CAMK2D: variants seen among roughly 807,000 people sequenced by gnomAD.
The protein encoded by CAMK2D is calcium/calmodulin dependent protein kinase II delta.
Under a neutral mutation model 84.0 loss-of-function variants are expected in CAMK2D, and 37 were observed. That is an observed-to-expected ratio of 0.44 (90% CI 0.34 to 0.58). CAMK2D has a LOEUF of 0.58. Among genes scored for constraint, CAMK2D ranks in the 20% least tolerant of loss-of-function variants. The probability of loss-of-function intolerance (pLI) is 0.02; values close to 1 mark genes in which losing one functional copy is unlikely to be tolerated. For missense variants in CAMK2D, 448 were observed against 652.5 expected, an observed-to-expected ratio of 0.69 and a Z score of 3.41; for synonymous variants, 202 against 212.5, an observed-to-expected ratio of 0.95 and a Z score of 0.43.
In CAMK2D at chr4:113,539,016, A is replaced by G. The variant is rs1015463499; in HGVS notation, c.415-1573T>C. ...GGGATAAAGATATCTCAAGAATATA[A>G]AAGACTTTTATGCTGAAATGACTTT... On this transcript the variant is annotated intron_variant, in intron 6 of 20. Transcript: ENST00000511664. Among the ~76,000 whole-genome samples, 3 of 152,234 alleles carry G rather than the reference A, an allele frequency of 2.0e-5. 1 individual carries two copies. The East Asian group carries it at 5.8e-4, about 29-fold the overall frequency.
intron 4 of CAMK2D, among the ~76,000 whole-genome samples, chr4:113,575,045 A>G (rs974492345): frequency 2.6e-5 from 4 of 152,202 alleles, no homozygotes; most frequent in Admixed American, 2.0e-4. Context: ...GGCTTTCTAC[A>G]GTAATATTTA....
intron 2 of CAMK2D, among the ~76,000 whole-genome samples, chr4:113,685,662 CATTTTA>C (rs968209182): frequency 1.1e-4 from 16 of 152,108 alleles, no homozygotes; most frequent in African/African-American, 3.9e-4. Flanking sequence ...CAAGTAGAGA[CATTTTA>C]ATTTTATGTC....
At chr4:113,727,499 C>T (rs1189410013) in intron 2 of CAMK2D, among the ~76,000 whole-genome samples, 1 of 152,030 alleles carries the variant, frequency 6.6e-6, no homozygotes, top group Non-Finnish European at 1.5e-5. Flanking sequence ...TGCTCTTTAC[C>T]TCATATTATA....
intron 8 of CAMK2D, among the ~76,000 whole-genome samples, chr4:113,521,643 A>G (rs2098360580): frequency 6.6e-6 from 1 of 152,216 alleles, no homozygotes; most frequent in African/African-American, 2.4e-5. Flanking sequence ...TAAGAGACCT[A>G]AGAGACCAAA....
At chr4:113,712,535 A>T (rs983910176) in intron 2 of CAMK2D, among the ~76,000 whole-genome samples, 2 of 152,130 alleles carry the variant, frequency 1.3e-5, no homozygotes, top group East Asian at 3.8e-4. Flanking sequence ...CTCAAATTAC[A>T]TAATTTGAAA....
At chr4:113,640,284 G>A (rs947265840) in intron 3 of CAMK2D, among the ~76,000 whole-genome samples, 1 of 152,110 alleles carries the variant, frequency 6.6e-6, no homozygotes, top group African/African-American at 2.4e-5. Context: ...AATAGATTTG[G>A]GAGTTACTAA....
chr4:113,733,689 TAC>T (rs1233984516), intron 2 of CAMK2D, among the ~76,000 whole-genome samples: 15 of 152,216 alleles, frequency 9.9e-5, no homozygotes, highest in Non-Finnish European at 1.3e-4. Flanking sequence ...CATGTTTTAA[TAC>T]AAAGACAAAA....
At chr4:113,492,775 C>A (rs1372316205) in intron 16 of CAMK2D, among the ~76,000 whole-genome samples, 1 of 145,838 alleles carries the variant, frequency 6.9e-6, no homozygotes, top group Non-Finnish European at 1.5e-5. Context: ...GTGTGGGAGT[C>A]TAAGTTTCTT....
intron 4 of CAMK2D, among the ~76,000 whole-genome samples, chr4:113,572,294 C>T (rs561624904): frequency 1.3e-5 from 2 of 151,964 alleles, no homozygotes; most frequent in South Asian, 4.2e-4. Context: ...ATTGATTGAC[C>T]TTCAATCATT....
At chr4:113,667,666 C>T (rs751226082) in intron 2 of CAMK2D, among the ~76,000 whole-genome samples, 5 of 152,174 alleles carry the variant, frequency 3.3e-5, no homozygotes, top group Non-Finnish European at 7.4e-5. Context: ...CATTTGACTA[C>T]AAAACCTGAA....
chr4:113,558,997 C>T (rs541973352), intron 4 of CAMK2D, among the ~76,000 whole-genome samples: 21 of 152,004 alleles, frequency 1.4e-4, no homozygotes, highest in Admixed American at 2.0e-4. Flanking sequence ...TAAATAAATA[C>T]TAAAATCGAA....
intron 2 of CAMK2D, among the ~76,000 whole-genome samples, chr4:113,751,269 C>T (rs1594133770): frequency 6.6e-6 from 1 of 151,836 alleles, no homozygotes; most frequent in South Asian, 2.1e-4. Flanking sequence ...CAGAACATTG[C>T]CTCAAAAAAA....
intron 13 of CAMK2D, among the ~76,000 whole-genome samples, chr4:113,507,866 G>A (rs1360871746): frequency 6.6e-6 from 1 of 151,692 alleles, no homozygotes; most frequent in Non-Finnish European, 1.5e-5. Context: ...GTATTATGGT[G>A]TCCTATAAAT....
At chr4:113,477,149 G>C (rs566781769) in intron 16 of CAMK2D, among the ~76,000 whole-genome samples, 14 of 152,252 alleles carry the variant, frequency 9.2e-5, no homozygotes, top group Non-Finnish European at 2.1e-4. Context: ...CAGATGAGAA[G>C]AATCCATTGG....
chr4:113,453,175 G>A lies in CAMK2D; in HGVS notation c.*1370C>T, dbSNP rs2097269694. 1 of 152,052 alleles carries A rather than the reference G, an allele frequency of 6.6e-6. No homozygotes were observed. Among genetic ancestry groups the A allele is most frequent in the Non-Finnish European group, 1.5e-5 (1 of 68,010 alleles). The allele number at this position is 152,052 out of a possible 1,614,324, so 9.4% of individuals were successfully genotyped here. ...ACATTTCCCTTTTTGTTTTAAACTG[G>A]GAAATTCTAACTCCTTGGAGGAAGA... On this transcript the variant is annotated 3_prime_UTR_variant, in exon 21 of 21. Coordinates refer to ENST00000511664, the MANE Select transcript of CAMK2D (RefSeq NM_001321571.2).
At chr4:113,660,197 T>C (rs1270360111) in intron 3 of CAMK2D, among the ~76,000 whole-genome samples, 1 of 152,232 alleles carries the variant, frequency 6.6e-6, no homozygotes, top group African/African-American at 2.4e-5. Context: ...AGTAACATTT[T>C]TCCAAAATAA....
chr4:113,457,692 TCTA>T (rs1455691974), intron 18 of CAMK2D, 129 bp from the exon 19 acceptor site: 8 of 690,928 alleles, frequency 1.2e-5, no homozygotes, highest in East Asian at 5.4e-5. Context: ...AGTTAATTAA[TCTA>T]CTATTTGTAC....
At chr4:113,486,967 A>G (rs2097771722) in intron 16 of CAMK2D, among the ~76,000 whole-genome samples, 1 of 152,226 alleles carries the variant, frequency 6.6e-6, no homozygotes, top group South Asian at 2.1e-4. Flanking sequence ...TCTAGAGTCT[A>G]GTTAGAAGAC....
intron 3 of CAMK2D, among the ~76,000 whole-genome samples, chr4:113,627,320 G>A (rs896860793): frequency 2.6e-5 from 4 of 151,924 alleles, no homozygotes; most frequent in East Asian, 1.9e-4. Flanking sequence ...CTTAATACAG[G>A]TGATTCTTAT....
Sources: gnomAD v4.1 joint callset for allele counts (sites outside exome capture counted in the v4.1 genomes callset) on GRCh38, gnomAD v4.1.1 for gene constraint, MANE v1.5 for transcripts, NCBI Gene and HGNC (gene_info 2026-07-23, HGNC 2026-07-21) for gene names.